Variants in GRID2 observed in about 807,000 individuals in gnomAD.
GRID2 encodes the protein glutamate ionotropic receptor delta type subunit 2, also known as glutamate receptor ionotropic, delta-2.
In GRID2, 33 loss-of-function variants were observed where a neutral mutation model predicts 114.8. That is an observed-to-expected ratio of 0.29 (90% CI 0.22 to 0.38). GRID2 has a LOEUF of 0.38. Ranked by LOEUF, GRID2 falls within the 10% of genes least tolerant of loss-of-function variation. GRID2 has a pLI of 1.00. For synonymous variants in GRID2, 505 were observed against 449.9 expected (o/e 1.12, Z -1.55); for missense variants, 1,184 against 1,257.7 (o/e 0.94, Z 0.89).
chr4:92,585,525 G>A (rs1233505448), intron 1 of GRID2, among the ~76,000 whole-genome samples: 3 of 151,934 alleles, frequency 2.0e-5, no homozygotes, highest in Non-Finnish European at 4.4e-5. Context: ...ATTTGCAAGA[G>A]GAATGTAGAT....
chr4:93,049,722 A>G (rs1024901008), intron 2 of GRID2, among the ~76,000 whole-genome samples: 3 of 151,566 alleles, frequency 2.0e-5, no homozygotes, highest in African/African-American at 7.3e-5. Context: ...TTTTCTTCCA[A>G]TTTTTTTTGC....
At chr4:93,040,314 T>G (rs1401759156) in intron 2 of GRID2, among the ~76,000 whole-genome samples, 1 of 151,616 alleles carries the variant, frequency 6.6e-6, no homozygotes, top group Non-Finnish European at 1.5e-5. Context: ...AAAACATCAC[T>G]AACAATGAAA....
intron 8 of GRID2, among the ~76,000 whole-genome samples, chr4:93,335,126 AT>A (rs1158911830): frequency 6.6e-6 from 1 of 152,158 alleles, no homozygotes; most frequent in Non-Finnish European, 1.5e-5. Context: ...CATTCACTAG[AT>A]TTAACTGTGT....
intron 2 of GRID2, among the ~76,000 whole-genome samples, chr4:92,623,445 C>T (rs1730373163): frequency 6.6e-6 from 1 of 150,930 alleles, no homozygotes; most frequent in Non-Finnish European, 1.5e-5. Context: ...ATACATGAAA[C>T]AAAGCCATAA....
intron 12 of GRID2, among the ~76,000 whole-genome samples, chr4:93,512,885 T>C (rs1560699743): frequency 6.6e-6 from 1 of 152,168 alleles, no homozygotes; most frequent in Non-Finnish European, 1.5e-5. Context: ...ATCTTAACAT[T>C]TGATTTCAGT....
intron 1 of GRID2, among the ~76,000 whole-genome samples, chr4:92,576,007 G>C (rs539033244): frequency 6.6e-6 from 1 of 152,204 alleles, no homozygotes; most frequent in Non-Finnish European, 1.5e-5. Flanking sequence ...CTAAGGAACC[G>C]CCTCTGCCCA....
chr4:92,695,887 C>A (rs1325654520), intron 2 of GRID2, among the ~76,000 whole-genome samples: 1 of 151,928 alleles, frequency 6.6e-6, no homozygotes, highest in African/African-American at 2.4e-5. Flanking sequence ...GTTTGATAAG[C>A]CTTACTTTTC....
At chr4:93,255,250 G>A (rs1015855490) in intron 8 of GRID2, among the ~76,000 whole-genome samples, 3 of 151,940 alleles carry the variant, frequency 2.0e-5, no homozygotes, top group Non-Finnish European at 4.4e-5. Context: ...CAATCATTTG[G>A]TGAAACATCT....
At chr4:93,208,145 C>T (rs1211743307) in intron 5 of GRID2, among the ~76,000 whole-genome samples, 1 of 151,780 alleles carries the variant, frequency 6.6e-6, no homozygotes, top group Non-Finnish European at 1.5e-5. Flanking sequence ...CTTGGTCATA[C>T]CTATTATTTA....
chr4:93,659,467 TA>T (rs909198976), intron 14 of GRID2, among the ~76,000 whole-genome samples: 5 of 152,136 alleles, frequency 3.3e-5, no homozygotes, highest in South Asian at 2.1e-4. Flanking sequence ...ATATTTAACT[TA>T]AAAAAATGTG....
chr4:93,049,381 A>G (rs1027240737), intron 2 of GRID2, among the ~76,000 whole-genome samples: 3 of 152,134 alleles, frequency 2.0e-5, no homozygotes, highest in East Asian at 1.9e-4. Flanking sequence ...ATAATGAAAC[A>G]TTATAATTTT....
intron 2 of GRID2, among the ~76,000 whole-genome samples, chr4:92,696,460 T>G (rs1734429604): frequency 6.6e-6 from 1 of 152,170 alleles, no homozygotes; most frequent in Non-Finnish European, 1.5e-5. Context: ...AGGAGTTAAT[T>G]TTCCTTTTAT....
At chr4:93,601,573 A>G (rs1326557849) in intron 13 of GRID2, among the ~76,000 whole-genome samples, 1 of 152,212 alleles carries the variant, frequency 6.6e-6, no homozygotes, top group South Asian at 2.1e-4. Flanking sequence ...GAAAAAGATT[A>G]GTAATTGAAT....
chr4:93,369,415 A>G (rs1008049010), intron 8 of GRID2, among the ~76,000 whole-genome samples: 1 of 152,176 alleles, frequency 6.6e-6, no homozygotes, highest in African/African-American at 2.4e-5. Flanking sequence ...TTGTTTCCAA[A>G]TTTTAGGATT....
At chr4:93,364,156 G>C (rs1282167647) in intron 8 of GRID2, among the ~76,000 whole-genome samples, 1 of 152,110 alleles carries the variant, frequency 6.6e-6, no homozygotes, top group East Asian at 1.9e-4. Flanking sequence ...GACATCTGCT[G>C]CTAAGGAGAA....
intron 8 of GRID2, among the ~76,000 whole-genome samples, chr4:93,255,738 A>C (rs1315915078): frequency 2.0e-5 from 3 of 152,104 alleles, no homozygotes; most frequent in African/African-American, 7.2e-5. Flanking sequence ...GTGACACAGC[A>C]TGAAAGCCCT....
rs1024687480 is a variant in GRID2 at position 93,165,230 on chromosome 4, C to T, written c.736-42174C>T. 5.9e-5 allele frequency among the ~76,000 whole-genome samples: 9 copies of T among 151,966 alleles called. No individual in the cohort carries two copies. The South Asian group carries it at 6.2e-4, about 11-fold the overall frequency. On this transcript the variant is annotated intron_variant, in intron 4 of 15. Coordinates refer to ENST00000282020, the MANE Select transcript of GRID2 (RefSeq NM_001510.4). ...CTCAGACTTGGCAACTTACAACTGG[C>T]GGAAGGAGAGGAAAGGAAAAAGAGA... is the stretch of plus-strand genomic sequence containing the variant.
intron 2 of GRID2, among the ~76,000 whole-genome samples, chr4:92,891,322 A>G (rs895076627): frequency 7.9e-5 from 12 of 152,332 alleles, no homozygotes; most frequent in Admixed American, 2.6e-4. Context: ...TTAAAAATGT[A>G]TAAGTACCTG....
At chr4:93,225,900 C>T (rs370526318) in intron 7 of GRID2, among the ~76,000 whole-genome samples, 10 of 152,110 alleles carry the variant, frequency 6.6e-5, no homozygotes, top group African/African-American at 1.7e-4. Flanking sequence ...AGGGTCATCT[C>T]ATGGCAGAAG....
Sources: allele counts gnomAD v4.1 joint callset (sites outside exome capture counted in the v4.1 genomes callset), GRCh38; gene constraint gnomAD v4.1.1; transcripts MANE v1.5; gene names NCBI Gene and HGNC (gene_info 2026-07-23, HGNC 2026-07-21).